The following CTNNA3 variants were observed in gnomAD, a reference collection of about 807,000 sequenced individuals.
CTNNA3 encodes the protein catenin alpha 3, also known as catenin alpha-3.
In CTNNA3, 76 loss-of-function variants were observed where a neutral mutation model predicts 95.7. The ratio of observed to expected loss-of-function variants is 0.79; its 90% CI spans 0.66 to 0.96. CTNNA3 has a LOEUF of 0.96. Among genes scored for constraint, CTNNA3 ranks in the 40% least tolerant of loss-of-function variants. CTNNA3 has a pLI of 0.00. For missense variants in CTNNA3, 1,191 were observed against 1,089.8 expected (o/e 1.09, Z -1.31); for synonymous variants, 431 against 374.4 (o/e 1.15, Z -1.74).
At chr10:66,899,603 G>A (rs1451617194) in intron 7 of CTNNA3, among the ~76,000 whole-genome samples, 1 of 152,126 alleles carries the variant, frequency 6.6e-6, no homozygotes, top group African/African-American at 2.4e-5. Flanking sequence ...CTAGACAAGG[G>A]AAGCCATGAC....
chr10:66,905,614 A>G (rs2132541482), intron 7 of CTNNA3, among the ~76,000 whole-genome samples: 1 of 152,286 alleles, frequency 6.6e-6, no homozygotes, highest in South Asian at 2.1e-4. Context: ...ACAAGCACCT[A>G]ATTGCCCATT....
chr10:66,976,163 A>T (rs1159489196), intron 7 of CTNNA3, among the ~76,000 whole-genome samples: 2 of 152,204 alleles, frequency 1.3e-5, no homozygotes, highest in African/African-American at 4.8e-5. Flanking sequence ...TGTGAGAAGG[A>T]CTTTAAAAAT....
At chr10:66,656,901 A>C (rs975435354) in intron 9 of CTNNA3, among the ~76,000 whole-genome samples, 6 of 152,062 alleles carry the variant, frequency 3.9e-5, no homozygotes, top group African/African-American at 1.4e-4. Flanking sequence ...TCTTCTGACA[A>C]TTGTAAAGCT....
At position 65,923,340 on chromosome 10, in the gene CTNNA3, A is replaced by G. The variant is rs572371323; in HGVS notation, c.2401-2723T>C. On this transcript the variant is annotated intron_variant, in intron 17 of 17. Coordinates refer to ENST00000433211, the MANE Select transcript of CTNNA3 (RefSeq NM_013266.4). ...TGGTAGTAGTTTTATGCCACAGTAA[A>G]TGCTTAAATATATTTTCTGTAACCA... Among the ~76,000 whole-genome samples the G allele has an allele frequency of 3.3e-5, 5 of 152,342 alleles. No individual in the cohort carries two copies. The South Asian group carries it at 1.0e-3, about 32-fold the overall frequency.
At chr10:66,687,088 G>T (rs1161192709) in intron 9 of CTNNA3, among the ~76,000 whole-genome samples, 2 of 151,974 alleles carry the variant, frequency 1.3e-5, no homozygotes, top group Non-Finnish European at 2.9e-5. Context: ...TTGGTACAAT[G>T]TAATGAATAT....
At chr10:67,390,792 C>G (rs1844438000) in intron 5 of CTNNA3, among the ~76,000 whole-genome samples, 1 of 148,924 alleles carries the variant, frequency 6.7e-6, no homozygotes, top group African/African-American at 2.5e-5. Context: ...TAAACAGAAC[C>G]AAAGACAAAA....
At chr10:65,948,302 A>C (rs1202272720) in intron 17 of CTNNA3, among the ~76,000 whole-genome samples, 1 of 150,448 alleles carries the variant, frequency 6.6e-6, no homozygotes, top group African/African-American at 2.5e-5. Context: ...AAAAAAAAGA[A>C]AGAAAGAAAT....
At chr10:66,674,745 T>A (rs1393974119) in intron 9 of CTNNA3, among the ~76,000 whole-genome samples, 1 of 152,086 alleles carries the variant, frequency 6.6e-6, no homozygotes, top group African/African-American at 2.4e-5. Context: ...GCGTTCAGCG[T>A]TAGATTGCCC....
chr10:66,033,719 C>T (rs1296660490), intron 15 of CTNNA3, among the ~76,000 whole-genome samples: 1 of 152,084 alleles, frequency 6.6e-6, no homozygotes, highest in African/African-American at 2.4e-5. Context: ...AGAACTCTGG[C>T]TTCTAATTCT....
At chr10:67,514,055 A>AC (rs1564706481) in intron 5 of CTNNA3, among the ~76,000 whole-genome samples, 1 of 152,212 alleles carries the variant, frequency 6.6e-6, no homozygotes, top group East Asian at 1.9e-4. Context: ...TCATGCCTCT[A>AC]ATCCTTGCAC....
At position 66,281,669 on chromosome 10, in the gene CTNNA3, T is replaced by C. The variant is rs138961145; in HGVS notation, c.1733-1048A>G. Among the ~76,000 whole-genome samples the C allele has an allele frequency of 2.3e-3, 349 of 152,030 alleles. 2 individuals are homozygous for C. Among genetic ancestry groups the C allele is most frequent in the Non-Finnish European group, 4.2e-3 (282 of 67,864 alleles). On this transcript the variant is annotated intron_variant, in intron 12 of 17. Transcript: ENST00000433211. ...ATTATAAACCTGGAAGATAGAAATATTTTGACTGGTATAAAAATATCAATA... is the reference window on the plus strand; with the variant it reads ...ATTATAAACCTGGAAGATAGAAATACTTTGACTGGTATAAAAATATCAATA...
intron 12 of CTNNA3, among the ~76,000 whole-genome samples, chr10:66,308,562 AT>A (rs1190157003): frequency 2.6e-5 from 4 of 152,160 alleles, no homozygotes; most frequent in Non-Finnish European, 5.9e-5. Context: ...AAACTTATCA[AT>A]TCTTTGCAAG....
intron 11 of CTNNA3, among the ~76,000 whole-genome samples, chr10:66,476,291 A>G (rs1839325348): frequency 6.6e-6 from 1 of 152,066 alleles, no homozygotes; most frequent in Non-Finnish European, 1.5e-5. Context: ...TGATGGGTTG[A>G]CAGGTGTGAC....
chr10:66,366,107 A>G (rs1345853984), intron 12 of CTNNA3, among the ~76,000 whole-genome samples: 1 of 152,156 alleles, frequency 6.6e-6, no homozygotes, highest in Non-Finnish European at 1.5e-5. Flanking sequence ...AATAACTAAT[A>G]TGGAGAGGAT....
intron 5 of CTNNA3, among the ~76,000 whole-genome samples, chr10:67,330,435 T>G (rs1841732159): frequency 6.6e-6 from 1 of 152,190 alleles, no homozygotes; most frequent in African/African-American, 2.4e-5. Context: ...GCTGTAAAGA[T>G]TAATCAGTTC....
chr10:66,007,760 C>T (rs12254599), intron 15 of CTNNA3, among the ~76,000 whole-genome samples: 525 of 28,460 alleles, frequency 0.018, 5 homozygotes, highest in African/African-American at 0.044. Context: ...CCCCCTCCCT[C>T]CCTCCCTCTC....
intron 3 of CTNNA3, among the ~76,000 whole-genome samples, chr10:67,562,749 C>T (rs958707877): frequency 1.3e-5 from 2 of 152,166 alleles, no homozygotes; most frequent in Non-Finnish European, 2.9e-5. Context: ...CCCATCATCT[C>T]AGCCCAAAAT....
intron 11 of CTNNA3, among the ~76,000 whole-genome samples, chr10:66,414,844 C>G (rs988121963): frequency 6.6e-6 from 1 of 152,072 alleles, no homozygotes; most frequent in Non-Finnish European, 1.5e-5. Context: ...TTCTAGAGCA[C>G]CATCCCCAGC....
chr10:66,737,664 CTTT>C (rs200878512), intron 9 of CTNNA3, among the ~76,000 whole-genome samples: 1 of 144,700 alleles, frequency 6.9e-6, no homozygotes, highest in Non-Finnish European at 1.5e-5. Context: ...AAAAGTTGTA[CTTT>C]TTTTTTTTTT....
Sources: allele counts gnomAD v4.1 joint callset (sites outside exome capture counted in the v4.1 genomes callset), GRCh38; gene constraint gnomAD v4.1.1; transcripts MANE v1.5; gene names NCBI Gene and HGNC (gene_info 2026-07-23, HGNC 2026-07-21).